Variants in THRAP3 observed in about 807,000 individuals in gnomAD.
THRAP3 encodes the protein thyroid hormone receptor associated protein 3.
THRAP3 carries 16 observed loss-of-function variants against 101.0 expected under a neutral mutation model. The ratio of observed to expected loss-of-function variants is 0.16; its 90% confidence interval spans 0.11 to 0.24. THRAP3 has a LOEUF of 0.24. THRAP3 is among the 10% of genes least tolerant of loss of function. The pLI is 1.00. For synonymous variants in THRAP3, 407 were observed against 422.6 expected (o/e 0.96, Z 0.45); for missense variants, 989 against 1,202.7 (o/e 0.82, Z 2.63).
the THRAP3 span, among the ~76,000 whole-genome samples, chr1:36,212,391 GC>G: frequency 1.2e-3 from 182 of 149,976 alleles, 1 homozygote; most frequent in African/African-American, 4.2e-3. Flanking sequence ...GGGAGGGATA[GC>G]TTTTCTTTTT....
At chr1:36,270,854 A>G (rs1006893827) in intron 2 of THRAP3, among the ~76,000 whole-genome samples, 3 of 152,108 alleles carry the variant, frequency 2.0e-5, no homozygotes, top group African/African-American at 4.8e-5. Flanking sequence ...TGAGATTATT[A>G]CAGGTGTGAG....
chr1:36,298,019 C>G (rs145269264), intron 9 of THRAP3, among the ~76,000 whole-genome samples: 16 of 150,592 alleles, frequency 1.1e-4, no homozygotes, highest in African/African-American at 3.9e-4. Flanking sequence ...TGGTGGCGTG[C>G]GCCTGTAATC....
At chr1:36,241,383 GTGTATATA>G (rs1405916909) in intron 1 of THRAP3, among the ~76,000 whole-genome samples, 2,672 of 132,030 alleles carry the variant, frequency 0.02, 70 homozygotes, top group Admixed American at 0.033. Flanking sequence ...ATGATAATGG[GTGTATATA>G]TATATATATA....
chr1:36,252,340 G>A (rs1304721337), intron 1 of THRAP3, among the ~76,000 whole-genome samples: 1 of 152,116 alleles, frequency 6.6e-6, no homozygotes, highest in Admixed American at 6.6e-5. Flanking sequence ...GGTCAGGCTG[G>A]CCTGGAACTC....
chr1:36,227,009 C>G (rs1644969550), intron 1 of THRAP3, among the ~76,000 whole-genome samples: 1 of 152,072 alleles, frequency 6.6e-6, no homozygotes, highest in African/African-American at 2.4e-5. Context: ...CAGTGAAGTT[C>G]TTTTTGGGGA....
intron 1 of THRAP3, among the ~76,000 whole-genome samples, chr1:36,243,735 G>A: frequency 6.6e-6 from 1 of 151,702 alleles, no homozygotes. Context: ...ACGGGGCGGT[G>A]GCCGGGCAGA....
chr1:36,220,964 A>AT (rs1488516070), upstream of THRAP3, among the ~76,000 whole-genome samples: 1 of 134,344 alleles, frequency 7.4e-6, no homozygotes, highest in African/African-American at 3.0e-5. Flanking sequence ...AAAAAAAAAA[A>AT]AAAAAAAAAT....
chr1:36,289,035 C>G (rs1337038841), intron 4 of THRAP3, 25 bp from the exon 5 acceptor site: 1 of 1,535,002 alleles, frequency 6.5e-7, no homozygotes, highest in Admixed American at 2.2e-5. Flanking sequence ...CCTCTTGTGT[C>G]TCTCTCTTGT....
chr1:36,251,271 G>A (rs1194997343), intron 1 of THRAP3, among the ~76,000 whole-genome samples: 1 of 152,152 alleles, frequency 6.6e-6, no homozygotes, highest in Non-Finnish European at 1.5e-5. Flanking sequence ...AAAAAGATAA[G>A]TTCTGGGAAA....
At chr1:36,240,288 A>G (rs569791919) in intron 1 of THRAP3, among the ~76,000 whole-genome samples, 56 of 152,298 alleles carry the variant, frequency 3.7e-4, no homozygotes, top group African/African-American at 1.3e-3. Flanking sequence ...CCAACAGTGC[A>G]GCCCTTAGTT....
intron 2 of THRAP3, among the ~76,000 whole-genome samples, chr1:36,276,526 A>G (rs76687964): frequency 2.3e-5 from 1 of 44,290 alleles, no homozygotes; most frequent in Non-Finnish European, 8.4e-5. Context: ...TCTGTCTCAA[A>G]AAAAAAAAAA....
Position 36,304,035 on chromosome 1 carries a change from A to G in THRAP3, c.*18A>G. 6.7e-7 allele frequency: 1 copy of G among 1,490,792 alleles called. No homozygotes were observed. The allele number at this position is 1,490,792 out of a possible 1,614,324, so 92.3% of individuals were successfully genotyped here. On this transcript the variant is annotated 3_prime_UTR_variant, in exon 12 of 12. Transcript: ENST00000354618. ...CCGAGTAGGGGCCACCCTTGACGGG[A>G]TTCCTGCCCAGGGGAGAGAGGCGCT...
At position 36,296,607 on chromosome 1, in the gene THRAP3, C is replaced by T; in HGVS notation, c.2140C>T (p.Pro714Ser). 6.4e-7 allele frequency: 1 copy of T among 1,574,468 alleles called. No individual in the cohort carries two copies. Among genetic ancestry groups the T allele is most frequent in the Non-Finnish European group, 8.6e-7 (1 of 1,167,194 alleles). The change falls in exon 9 of 12, where the codon CCT becomes TCT. Residue 714 changes from proline (P) to serine (S), a missense_variant. Pro to Ser is a moderately conservative substitution (Grantham distance 74). Coordinates refer to ENST00000354618, the MANE Select transcript of THRAP3 (RefSeq NM_005119.4). The part of the protein sequence containing the change: ...YKAEGKYKDD[P>S]VDLRLDIERR... ...GGCTGAGGGAAAATACAAAGATGAT[C>T]CTGTTGATCTCCGCCTTGATATTGA...
At chr1:36,228,245 T>G (rs1289228407) in intron 1 of THRAP3, among the ~76,000 whole-genome samples, 3 of 150,790 alleles carry the variant, frequency 2.0e-5, no homozygotes, top group Non-Finnish European at 4.4e-5. Flanking sequence ...GAGACAGAGT[T>G]TCTCTCTTGT....
chr1:36,249,829 T>C (rs143741762), intron 1 of THRAP3, among the ~76,000 whole-genome samples: 8 of 151,918 alleles, frequency 5.3e-5, no homozygotes, highest in African/African-American at 1.9e-4. Flanking sequence ...AAAATGTAGT[T>C]TGATTAAGGG....
intron 2 of THRAP3, among the ~76,000 whole-genome samples, chr1:36,263,874 G>A (rs1645478590): frequency 6.6e-6 from 1 of 152,182 alleles, no homozygotes; most frequent in Non-Finnish European, 1.5e-5. Flanking sequence ...ATCCAGCATC[G>A]AAGAGATTTG....
chr1:36,211,236 CTG>C, the THRAP3 span, among the ~76,000 whole-genome samples: 4 of 151,866 alleles, frequency 2.6e-5, no homozygotes, highest in Non-Finnish European at 5.9e-5. Flanking sequence ...TGGCACGCGC[CTG>C]TGTTCCCAGC....
At chr1:36,296,520 T>C (rs913296718) in intron 8 of THRAP3, 63 bp from the exon 9 acceptor site, 21 of 1,390,064 alleles carry the variant, frequency 1.5e-5, no homozygotes, top group Non-Finnish European at 1.8e-5. Flanking sequence ...CCACAGTTTG[T>C]GGGATGGTTG....
chr1:36,291,293 C>CAG, intron 5 of THRAP3, 81 bp from the exon 6 acceptor site: 1 of 1,423,074 alleles, frequency 7.0e-7, no homozygotes, highest in Non-Finnish European at 9.5e-7. Context: ...ATTTAAAACT[C>CAG]TTCAAAAAAG....
Sources: allele counts gnomAD v4.1 joint callset (sites outside exome capture counted in the v4.1 genomes callset), GRCh38; gene constraint gnomAD v4.1.1; transcripts MANE v1.5; gene names NCBI Gene and HGNC (gene_info 2026-07-23, HGNC 2026-07-21).